CNTNAP2: variants seen among roughly 807,000 people sequenced by gnomAD.
The protein encoded by CNTNAP2 is contactin-associated protein-like 2.
In CNTNAP2, 98 loss-of-function variants were observed where a neutral mutation model predicts 155.2. The ratio of observed to expected loss-of-function variants is 0.63; its 90% CI spans 0.54 to 0.75. The LOEUF is 0.75. Ranked by LOEUF, CNTNAP2 falls within the 30% of genes least tolerant of loss-of-function variation. The pLI is 0.00. For missense variants in CNTNAP2, 1,727 were observed against 1,688.1 expected, an observed-to-expected ratio of 1.02 and a Z score of -0.40; for synonymous variants, 651 against 631.2, an observed-to-expected ratio of 1.03 and a Z score of -0.47.
At chr7:147,984,172 C>A (rs979438107) in intron 15 of CNTNAP2, among the ~76,000 whole-genome samples, 3 of 152,154 alleles carry the variant, frequency 2.0e-5, no homozygotes, top group South Asian at 2.1e-4. Flanking sequence ...GTGAGGACAA[C>A]CAGAGGTCAC....
chr7:148,381,755 G>A (rs553668853), intron 21 of CNTNAP2, among the ~76,000 whole-genome samples: 1 of 152,250 alleles, frequency 6.6e-6, no homozygotes, highest in South Asian at 2.1e-4. Flanking sequence ...GCCCCTTTCT[G>A]CCTAGATTTT....
chr7:146,902,063 T>C (rs1392425635), intron 3 of CNTNAP2, among the ~76,000 whole-genome samples: 2 of 151,920 alleles, frequency 1.3e-5, no homozygotes, highest in African/African-American at 4.8e-5. Context: ...TTTTTGTATT[T>C]GTAGTGGAGA....
chr7:147,912,974 C>T (rs1011500006), intron 14 of CNTNAP2, among the ~76,000 whole-genome samples: 4 of 152,190 alleles, frequency 2.6e-5, no homozygotes, highest in Non-Finnish European at 4.4e-5. Flanking sequence ...GCTAAGATTC[C>T]AGTCTTCAGG....
At chr7:146,973,363 C>T (rs939048841) in intron 3 of CNTNAP2, among the ~76,000 whole-genome samples, 49 of 152,298 alleles carry the variant, frequency 3.2e-4, no homozygotes, top group Admixed American at 1.8e-3. Flanking sequence ...AATAGATACA[C>T]ATGGTTTGTG....
At chr7:147,616,032 C>T (rs1195155993) in intron 12 of CNTNAP2, among the ~76,000 whole-genome samples, 2 of 152,036 alleles carry the variant, frequency 1.3e-5, no homozygotes, top group Non-Finnish European at 2.9e-5. Flanking sequence ...AATATTCAGT[C>T]CAAAATTCTC....
At chr7:147,055,637 G>A (rs1189366219) in intron 4 of CNTNAP2, among the ~76,000 whole-genome samples, 2 of 152,140 alleles carry the variant, frequency 1.3e-5, no homozygotes, top group Non-Finnish European at 2.9e-5. Context: ...CAGGGGACAT[G>A]GGGGTTGTCC....
intron 11 of CNTNAP2, among the ~76,000 whole-genome samples, chr7:147,521,026 G>A (rs140943313): frequency 6.6e-6 from 1 of 152,180 alleles, no homozygotes; most frequent in East Asian, 1.9e-4. Context: ...ATGAATGTGA[G>A]CAACGCTTTG....
intron 9 of CNTNAP2, among the ~76,000 whole-genome samples, chr7:147,373,088 T>C (rs1039428516): frequency 6.6e-6 from 1 of 152,128 alleles, no homozygotes; most frequent in African/African-American, 2.4e-5. Context: ...TTCTAACCCG[T>C]TATTGTTAAA....
intron 1 of CNTNAP2, among the ~76,000 whole-genome samples, chr7:146,647,674 T>G (rs1045123366): frequency 2.0e-5 from 3 of 152,118 alleles, no homozygotes; most frequent in Admixed American, 6.6e-5. Context: ...ACATAAGGTC[T>G]TACTTGATAA....
intron 1 of CNTNAP2, among the ~76,000 whole-genome samples, chr7:146,725,939 C>T (rs549449488): frequency 5.3e-5 from 8 of 152,250 alleles, no homozygotes; most frequent in Non-Finnish European, 1.0e-4. Context: ...GCCAGCTCTG[C>T]ATGAATTAAG....
intron 3 of CNTNAP2, among the ~76,000 whole-genome samples, chr7:147,017,619 A>G (rs1798747341): frequency 6.6e-6 from 1 of 152,080 alleles, no homozygotes; most frequent in Admixed American, 6.6e-5. Flanking sequence ...TAGTGAGTAA[A>G]GGACAGTAAA....
intron 9 of CNTNAP2, among the ~76,000 whole-genome samples, chr7:147,390,876 C>A (rs953712795): frequency 1.3e-5 from 2 of 152,034 alleles, no homozygotes; most frequent in African/African-American, 2.4e-5. Context: ...CCGGTGTTCA[C>A]CCTACAGCCC....
chr7:147,969,008 T>C (rs151015135), intron 14 of CNTNAP2, among the ~76,000 whole-genome samples: 7 of 152,272 alleles, frequency 4.6e-5, no homozygotes, highest in African/African-American at 1.4e-4. Flanking sequence ...GTTACTTTCC[T>C]TGTAGGGTTA....
intron 15 of CNTNAP2, among the ~76,000 whole-genome samples, chr7:148,030,309 A>G (rs1189706272): frequency 6.6e-6 from 1 of 152,202 alleles, no homozygotes; most frequent in Non-Finnish European, 1.5e-5. Context: ...TGCATATTGT[A>G]TTGTTGCATG....
chr7:147,041,399 C>G (rs1799257118), intron 3 of CNTNAP2, among the ~76,000 whole-genome samples: 1 of 152,156 alleles, frequency 6.6e-6, no homozygotes, highest in Admixed American at 6.5e-5. Context: ...CCTAGAGAGG[C>G]TACCCATACA....
chr7:146,777,772 G>C (rs1563226813), intron 2 of CNTNAP2, among the ~76,000 whole-genome samples: 2 of 152,130 alleles, frequency 1.3e-5, no homozygotes, highest in South Asian at 2.1e-4. Flanking sequence ...TGCCATGTTG[G>C]CCAGGTTGGA....
chr7:148,285,584 T>C (rs1797066065), intron 21 of CNTNAP2, among the ~76,000 whole-genome samples: 2 of 152,250 alleles, frequency 1.3e-5, no homozygotes, highest in Non-Finnish European at 2.9e-5. Context: ...TGGCACTACA[T>C]TATCACTAAT....
chr7:147,316,523 G>A (rs1024592593), intron 9 of CNTNAP2, among the ~76,000 whole-genome samples: 4 of 152,080 alleles, frequency 2.6e-5, no homozygotes, highest in Non-Finnish European at 4.4e-5. Context: ...TTTATTAAAA[G>A]GAGTGTTAAG....
At chr7:146,544,384 T>C (rs887476882) in intron 1 of CNTNAP2, among the ~76,000 whole-genome samples, 1 of 152,118 alleles carries the variant, frequency 6.6e-6, no homozygotes, top group Middle Eastern at 3.4e-3. Flanking sequence ...TCCAGGCAAG[T>C]GAGGCCTTTG....
Sources: allele counts gnomAD v4.1 joint callset (sites outside exome capture counted in the v4.1 genomes callset), GRCh38; gene constraint gnomAD v4.1.1; transcripts MANE v1.5; gene names NCBI Gene and HGNC (gene_info 2026-07-23, HGNC 2026-07-21).